The following TRDN variants were observed in gnomAD, a reference collection of about 807,000 sequenced individuals.
TRDN encodes the protein triadin in skeletal muscle.
TRDN carries 161 observed loss-of-function variants against 149.7 expected under a neutral mutation model. The ratio of observed to expected loss-of-function variants is 1.08; its 90% CI spans 0.95 to 1.23. The LOEUF (loss-of-function observed/expected upper bound fraction) is 1.23, where lower values mean the gene tolerates loss of function less well. Among genes scored for constraint, TRDN ranks in the 50% most tolerant of loss-of-function variants. TRDN has a pLI of 0.00. For missense variants in TRDN, 896 were observed against 823.5 expected (o/e 1.09, Z -1.08); for synonymous variants, 294 against 250.5 (o/e 1.17, Z -1.64).
intron 10 of TRDN, among the ~76,000 whole-genome samples, chr6:123,443,639 A>G (rs1370431630): frequency 4.6e-5 from 7 of 152,074 alleles, no homozygotes; most frequent in Admixed American, 3.3e-4. Context: ...AAAAATACAA[A>G]AAATTAGCCA....
intron 8 of TRDN, among the ~76,000 whole-genome samples, chr6:123,499,921 G>A (rs1163064155): frequency 4.6e-5 from 7 of 150,762 alleles, no homozygotes; most frequent in Admixed American, 4.0e-4. Flanking sequence ...TAGGTTATAT[G>A]CAAATATTAG....
chr6:123,423,187 CAG>C (rs1406570238), intron 12 of TRDN, among the ~76,000 whole-genome samples: 1 of 151,920 alleles, frequency 6.6e-6, no homozygotes, highest in African/African-American at 2.4e-5. Context: ...AGTTAAAGCT[CAG>C]AATAAAATTA....
At chr6:123,591,289 A>C (rs1456644503) in intron 1 of TRDN, among the ~76,000 whole-genome samples, 1 of 152,198 alleles carries the variant, frequency 6.6e-6, no homozygotes, top group East Asian at 1.9e-4. Context: ...CTTGTTGCCC[A>C]GGCTGGGGTG....
At chr6:123,466,420 T>G (rs2114716906) in intron 9 of TRDN, among the ~76,000 whole-genome samples, 1 of 152,292 alleles carries the variant, frequency 6.6e-6, no homozygotes. Flanking sequence ...TTTTTAAAAC[T>G]GAGGTTAACC....
chr6:123,470,601 G>C (rs2114732253), intron 9 of TRDN: 1 of 152,340 alleles, frequency 6.6e-6, no homozygotes, highest in East Asian at 1.9e-4. Context: ...AGGAAGAGCA[G>C]GACCCCACTA....
intron 24 of TRDN, among the ~76,000 whole-genome samples, chr6:123,312,217 T>C (rs898172917): frequency 2.0e-5 from 3 of 151,824 alleles, no homozygotes; most frequent in Non-Finnish European, 2.9e-5. Flanking sequence ...TTTGGAGACA[T>C]GAAAAAGCAA....
chr6:123,482,536 T>C (rs574313648), intron 9 of TRDN, among the ~76,000 whole-genome samples: 1 of 152,332 alleles, frequency 6.6e-6, no homozygotes, highest in South Asian at 2.1e-4. Context: ...GCCAAGAGGC[T>C]ATTTATAATC....
rs12193784 is a variant in TRDN, at chr6:123,570,899, A to G, written c.232+24T>C. On this transcript the variant is annotated intron_variant, in intron 2 of 40. Coordinates refer to ENST00000334268, the MANE Select transcript of TRDN (RefSeq NM_006073.4). ...TTCCATTTGAATTAATTTTAATTTT[A>G]AAGCCAAATTTTATGGAACTTACCT... 126,150 of 1,604,040 alleles carry G rather than the reference A, an allele frequency of 0.079. 5,395 individuals are homozygous for G. The highest frequency in any genetic ancestry group is 0.13 in the Middle Eastern group (777 of 6,034).
chr6:123,584,321 G>A (rs1783306037), intron 1 of TRDN, among the ~76,000 whole-genome samples: 2 of 152,132 alleles, frequency 1.3e-5, no homozygotes, highest in Non-Finnish European at 2.9e-5. Context: ...TAGAGAGTAA[G>A]TTGAGCATAG....
chr6:123,415,392 C>T (rs1477406165), intron 12 of TRDN, among the ~76,000 whole-genome samples: 3 of 152,078 alleles, frequency 2.0e-5, no homozygotes, highest in Admixed American at 1.3e-4. Context: ...TTGACAAGAT[C>T]GCTGTAACGT....
chr6:123,586,287 T>G (rs1040801575), intron 1 of TRDN, among the ~76,000 whole-genome samples: 99 of 151,880 alleles, frequency 6.5e-4, no homozygotes, highest in African/African-American at 2.3e-3. Context: ...ATAAAAGGAT[T>G]ATAGGGTGGA....
intron 24 of TRDN, among the ~76,000 whole-genome samples, chr6:123,298,876 T>A (rs906675517): frequency 6.6e-6 from 1 of 152,016 alleles, no homozygotes; most frequent in African/African-American, 2.4e-5. Flanking sequence ...TCATCTAGCT[T>A]TGGGATATGT....
intron 1 of TRDN, among the ~76,000 whole-genome samples, chr6:123,614,762 C>T (rs1430738820): frequency 6.6e-6 from 1 of 151,666 alleles, no homozygotes; most frequent in Non-Finnish European, 1.5e-5. Context: ...GAAAAGACCA[C>T]AAAAGCACAG....
At chr6:123,245,539 T>C (rs1039105389) in intron 38 of TRDN, among the ~76,000 whole-genome samples, 2 of 151,032 alleles carry the variant, frequency 1.3e-5, no homozygotes, top group African/African-American at 4.8e-5. Flanking sequence ...CAACAAGAAG[T>C]GCTATTTTAA....
intron 24 of TRDN, among the ~76,000 whole-genome samples, chr6:123,304,192 A>G (rs900632888): frequency 2.6e-5 from 4 of 152,056 alleles, no homozygotes; most frequent in African/African-American, 9.7e-5. Flanking sequence ...ATTAGCAGTT[A>G]GAAATGCAGT....
intron 12 of TRDN, among the ~76,000 whole-genome samples, chr6:123,425,644 T>C (rs1774089279): frequency 6.6e-6 from 1 of 151,990 alleles, no homozygotes; most frequent in African/African-American, 2.4e-5. Context: ...AAGAAAGAGA[T>C]AGGCTGTGAA....
chr6:123,472,213 A>G (rs1016705442), intron 9 of TRDN, among the ~76,000 whole-genome samples: 8 of 152,340 alleles, frequency 5.3e-5, no homozygotes, highest in Middle Eastern at 3.4e-3. Flanking sequence ...GGCGCAGGTC[A>G]GTGGGTGCGC....
intron 21 of TRDN, chr6:123,351,425 T>A (rs72974670): frequency 0.013 from 13,287 of 984,796 alleles, 112 homozygotes; most frequent in Non-Finnish European, 0.015. Flanking sequence ...ACTTTATATT[T>A]CAGAAACTAA....
chr6:123,537,538 C>T (rs772251152), intron 4 of TRDN, among the ~76,000 whole-genome samples: 14 of 152,154 alleles, frequency 9.2e-5, no homozygotes, highest in Non-Finnish European at 1.8e-4. Context: ...CACCAAACTC[C>T]AAGTGAAGAT....
Sources: gnomAD v4.1 joint callset for allele counts (sites outside exome capture counted in the v4.1 genomes callset) on GRCh38, gnomAD v4.1.1 for gene constraint, MANE v1.5 for transcripts, NCBI Gene and HGNC (gene_info 2026-07-23, HGNC 2026-07-21) for gene names.